Variants in RBPJL observed in about 807,000 individuals in gnomAD.
The protein encoded by RBPJL is recombining binding protein suppressor of hairless-like protein.
RBPJL carries 50 observed loss-of-function variants against 57.6 expected under a neutral mutation model. The observed-to-expected ratio is 0.87, with a 90% CI of 0.69 to 1.10. RBPJL has a LOEUF of 1.10. Ranked by LOEUF, RBPJL falls within the 50% of genes least tolerant of loss-of-function variation. RBPJL has a pLI of 0.00. For synonymous variants in RBPJL, 303 were observed against 294.4 expected, an observed-to-expected ratio of 1.03 and a Z score of -0.30; for missense variants, 684 against 693.7, an observed-to-expected ratio of 0.99 and a Z score of 0.16.
In RBPJL at chr20:45,309,594, G is replaced by A. The variant is rs1987037265; in HGVS notation, c.159G>A (p.Leu53=). 1.9e-6 allele frequency: 3 copies of A among 1,613,132 alleles called. No homozygotes were observed. The highest frequency in any genetic ancestry group is 3.3e-5 in the Admixed American group (2 of 59,924). Reference sequence around the variant, plus strand: ...CATCCCCAGAGCACACCACCATTCTGAGGGGAGGCGTGCGCAGGTGCCTGC... The same window carrying A: ...CATCCCCAGAGCACACCACCATTCTAAGGGGAGGCGTGCGCAGGTGCCTGC... ...TRSSPEHTTI[L]RGGVRRCLQQ... Residue 53 remains leucine (L), a synonymous_variant, in exon 3 of 12, where the codon CTG becomes CTA. Coordinates refer to ENST00000343694, the MANE Select transcript of RBPJL (RefSeq NM_014276.4).
At position 45,315,976 on chromosome 20, in the gene RBPJL, AG is replaced by A. The variant is rs1484472952; in HGVS notation, c.1021-210del. The A allele has an allele frequency of 7.4e-6, 3 of 405,426 alleles. No homozygotes were observed. The East Asian group carries it at 1.1e-4, about 14-fold the overall frequency. The allele number at this position is 405,426 out of a possible 1,614,324, so 25.1% of individuals were successfully genotyped here. On this transcript the variant is annotated intron_variant, in intron 9 of 11. Transcript: ENST00000343694. ...ATAAAGAAAAAAGAAAGAAGAAAGA[AG>A]AAAGAAGAAATCAGCTAGCTCAACA...
chr20:45,316,694 G>C lies in RBPJL; in HGVS notation c.1289G>C (p.Arg430Pro), dbSNP rs201762497. 2.6e-5 allele frequency: 42 copies of C among 1,602,128 alleles called. No homozygotes were observed. Among genetic ancestry groups the C allele is most frequent in the Admixed American group, 1.7e-4 (10 of 58,286 alleles). Residue 430 changes from arginine (R) to proline (P), a missense_variant, in exon 12 of 12, where the codon CGG becomes CCG. Coordinates refer to ENST00000343694, the MANE Select transcript of RBPJL (RefSeq NM_014276.4). ...VEAETMYRSP[R>P]SLVCVVPDVA... Reference sequence around the variant, plus strand: ...TGGTGCTCCACCCCCAGGAGCCCGCGGTCCCTGGTGTGCGTGGTGCCGGAC... The same window carrying C: ...TGGTGCTCCACCCCCAGGAGCCCGCCGTCCCTGGTGTGCGTGGTGCCGGAC...
intron 9 of RBPJL, chr20:45,315,775 G>A (rs1987422032): frequency 1.4e-5 from 2 of 140,738 alleles, no homozygotes; most frequent in Admixed American, 7.5e-5. Context: ...AGGAAGGAAG[G>A]AAGAAGAGAG....
At chr20:45,307,908 G>A (rs1986874389) in intron 1 of RBPJL, among the ~76,000 whole-genome samples, 1 of 152,130 alleles carries the variant, frequency 6.6e-6, no homozygotes. Context: ...CAGCAAGGGA[G>A]GAGAGGCCTG....
chr20:45,317,815 T>C lies in RBPJL; in HGVS notation c.*856T>C, dbSNP rs1003985619. ...GATTCTACAGCTGCATTAAAATCAA[T>C]CCTATCCAAGGCAGAGTTTGGTCTG... On this transcript the variant is annotated 3_prime_UTR_variant, in exon 12 of 12. Transcript: ENST00000343694. 2 of 152,190 alleles carry C rather than the reference T, an allele frequency of 1.3e-5. No homozygotes were observed. The highest frequency in any genetic ancestry group is 2.9e-5 in the Non-Finnish European group (2 of 68,108). 9.4% of individuals were successfully genotyped at this position (152,190 alleles called of 1,614,324 possible).
chr20:45,311,552 A>G (rs1226000660), intron 3 of RBPJL, 37 bp from the exon 4 acceptor site: 34 of 1,604,090 alleles, frequency 2.1e-5, no homozygotes, highest in Non-Finnish European at 2.9e-5. Context: ...CCAAGTGGAG[A>G]TGGATGCACG....
In RBPJL at chr20:45,311,934, G is replaced by C; in HGVS notation, c.424G>C (p.Glu142Gln). The stretch of plus-strand genomic sequence containing the variant: ...CACTGAGACGCAGAAGCTGAATTTC[G>C]AGCAGCAGCCGGACTCCAGGGTGAG... ...SATETQKLNF[E>Q]QQPDSREFGC... Residue 142 changes from glutamate (E) to glutamine (Q), a missense_variant, in exon 5 of 12, where the codon GAG becomes CAG. Coordinates refer to ENST00000343694, the MANE Select transcript of RBPJL (RefSeq NM_014276.4). 2 of 1,551,330 alleles carry C rather than the reference G, an allele frequency of 1.3e-6. No individual in the cohort carries two copies. The highest frequency in any genetic ancestry group is 1.4e-5 in the African/African-American group (1 of 73,170).
chr20:45,313,910 A>C, intron 7 of RBPJL, 125 bp from the exon 8 acceptor site: 1 of 756,422 alleles, frequency 1.3e-6, no homozygotes, highest in African/African-American at 1.7e-5. Flanking sequence ...GGCTCCCCTG[A>C]GTACCAAGCT....
rs767966757 is a variant in RBPJL at position 45,316,808 on chromosome 20, C to T, written c.1403C>T (p.Pro468Leu). Residue 468 changes from proline to leucine, a missense_variant, in exon 12 of 12, where the codon CCT (proline) becomes CTT (leucine). Physicochemically the swap from Pro to Leu is moderately conservative, Grantham distance 98. Coordinates refer to ENST00000343694, the MANE Select transcript of RBPJL (RefSeq NM_014276.4). ...GTGCGCGCCGACGGGCTCTTCTACC[C>T]TAGTGCCTTCTCCTTCACCTACACC... ...SLVRADGLFYPSAFSFTYTPE... is the reference protein window; with the variant it reads ...SLVRADGLFYLSAFSFTYTPE... 1.9e-6 allele frequency: 3 copies of T among 1,613,964 alleles called. No homozygotes were observed. In the South Asian group the frequency reaches 3.3e-5, roughly 18 times the overall value.
chr20:45,313,255 C>T (rs774022149), intron 6 of RBPJL, among the ~76,000 whole-genome samples: 3 of 152,010 alleles, frequency 2.0e-5, no homozygotes, highest in Non-Finnish European at 4.4e-5. Flanking sequence ...ACCAACTAAC[C>T]TTAACCCTCA....
At chr20:45,315,931 A>G (rs978001663) in intron 9 of RBPJL, 2 of 385,174 alleles carry the variant, frequency 5.2e-6, no homozygotes, top group Non-Finnish European at 9.2e-6. Flanking sequence ...AAGAAAAAGA[A>G]AAGGAAGGAA....
At chr20:45,309,465 C>T (rs1987025063) in intron 2 of RBPJL, 102 bp from the exon 3 acceptor site, 13 of 1,296,930 alleles carry the variant, frequency 1.0e-5, no homozygotes, top group Non-Finnish European at 1.4e-5. Flanking sequence ...CTCACTCTAA[C>T]CCCCTGCTCA....
chr20:45,311,370 T>A (rs1354139245), intron 3 of RBPJL, among the ~76,000 whole-genome samples: 2 of 152,086 alleles, frequency 1.3e-5, no homozygotes, highest in Admixed American at 1.3e-4. Context: ...TATATTATAT[T>A]TTGAAGGTGG....
At chr20:45,315,755 GAAGA>G (rs946822837) in intron 9 of RBPJL, among the ~76,000 whole-genome samples, 4 of 142,978 alleles carry the variant, frequency 2.8e-5, no homozygotes, top group Non-Finnish European at 4.6e-5. Context: ...AAAAAAAAAG[GAAGA>G]AAGGAAGGAA....
Position 45,316,228 on chromosome 20 carries a change from C to T in RBPJL, c.1062C>T (p.Asn354=). The part of the protein sequence containing the change: ...CPKEANRALL[N]DSSCWTIIGT... The stretch of plus-strand genomic sequence containing the variant: ...AGGAGGCGAACAGGGCTCTGCTTAA[C>T]GACAGCTCTTGCTGGACCATCATCG... The change falls in exon 10 of 12, where the codon AAC becomes AAT. Residue 354 remains asparagine (N), a synonymous_variant. Coordinates refer to ENST00000343694, the MANE Select transcript of RBPJL (RefSeq NM_014276.4). 6.2e-7 allele frequency: 1 copy of T among 1,614,216 alleles called. No individual in the cohort carries two copies. The highest frequency in any genetic ancestry group is 1.1e-5 in the South Asian group (1 of 91,090).
intron 2 of RBPJL, among the ~76,000 whole-genome samples, chr20:45,309,135 C>G (rs1326910874): frequency 6.6e-6 from 1 of 152,014 alleles, no homozygotes; most frequent in East Asian, 1.9e-4. Context: ...TCCTCACCCC[C>G]CACCCTGCCT....
chr20:45,307,858 A>G (rs1986869595), intron 1 of RBPJL, among the ~76,000 whole-genome samples: 1 of 152,158 alleles, frequency 6.6e-6, no homozygotes, highest in Non-Finnish European at 1.5e-5. Flanking sequence ...AAAAAAAGAA[A>G]GATTCAGAGA....
chr20:45,312,288 T>A lies in RBPJL; in HGVS notation c.512T>A (p.Leu171Gln). 2 of 1,614,120 alleles carry A rather than the reference T, an allele frequency of 1.2e-6. No homozygotes were observed. Among genetic ancestry groups the A allele is most frequent in the Non-Finnish European group, 1.7e-6 (2 of 1,179,950 alleles). ...AAGAGGAAGCACTTTCGGCTGGTGC[T>A]GCGGCTGGTGCTGCGCGGGGGCCGG... Reference protein sequence around the residue: ...ADKRKHFRLVLRLVLRGGREL... With the variant: ...ADKRKHFRLVQRLVLRGGREL... The change falls in exon 6 of 12, where the codon CTG (leucine) becomes CAG (glutamine). Residue 171 changes from leucine (L) to glutamine (Q), a missense_variant. Physicochemically the swap from Leu to Gln is moderately radical, Grantham distance 113 (BLOSUM62 -2). Transcript: ENST00000343694.
At chr20:45,307,433 C>G (rs188324819) in intron 1 of RBPJL, among the ~76,000 whole-genome samples, 67 of 152,286 alleles carry the variant, frequency 4.4e-4, no homozygotes, top group African/African-American at 1.5e-3. Context: ...GGTGACCAAG[C>G]AAGATGTGGC....
Sources: allele counts gnomAD v4.1 joint callset (sites outside exome capture counted in the v4.1 genomes callset), GRCh38; gene constraint gnomAD v4.1.1; transcripts MANE v1.5; gene names NCBI Gene and HGNC (gene_info 2026-07-23, HGNC 2026-07-21).